The following SETD1A variants were observed in gnomAD, a reference collection of about 807,000 sequenced individuals.
The protein encoded by SETD1A is SET domain containing 1A, histone lysine methyltransferase.
A neutral mutation model predicts 149.9 loss-of-function variants in SETD1A; 29 were observed. The observed-to-expected ratio is 0.19, with a 90% CI of 0.14 to 0.26. The LOEUF (loss-of-function observed/expected upper bound fraction) is 0.26. Among genes scored for constraint, SETD1A ranks in the 10% least tolerant of loss-of-function variants. The pLI, the probability that SETD1A is intolerant of heterozygous loss-of-function variation, is 1.00. For missense variants in SETD1A, 2,109 were observed against 2,353.1 expected (o/e 0.90, Z 2.15); for synonymous variants, 1,141 against 968.5 (o/e 1.18, Z -3.31).
chr16:30,979,946 G>A lies in SETD1A; in HGVS notation c.4160G>A (p.Gly1387Asp), dbSNP rs1323240213. ...SDSSSSSDGE[G>D]ALRRRSLRSH... is the part of the protein sequence containing the mutation. ...AGCAGCAGCAGCAGCGATGGGGAGG[G>A]CGCCCTCCGGAGGCGCAGCCTCCGC... The change falls in exon 14 of 19, where the codon GGC becomes GAC. Residue 1387 changes from glycine to aspartate, a missense_variant. Gly to Asp is a moderately conservative substitution (Grantham distance 94, BLOSUM62 -1). Around this residue, in one of 8 missense-constraint regions of SETD1A, gnomAD observed 832 missense variants for 815.6 expected, o/e 1.02. Coordinates refer to ENST00000262519, the MANE Select transcript of SETD1A (RefSeq NM_014712.3). The A allele has an allele frequency of 3.9e-6, 6 of 1,533,186 alleles. No homozygotes were observed. Among genetic ancestry groups the A allele is most frequent in the Non-Finnish European group, 5.2e-6 (6 of 1,144,380 alleles). The allele number at this position is 1,533,186 out of a possible 1,614,324, so 95.0% of individuals were successfully genotyped here.
In SETD1A at chr16:30,981,138, T is replaced by C. The variant is rs768623923; in HGVS notation, c.4770T>C (p.Ala1590=). The C allele has an allele frequency of 5.6e-6, 9 of 1,614,208 alleles. No individual in the cohort carries two copies. The South Asian group carries it at 9.9e-5, about 18-fold the overall frequency. Residue 1590 remains alanine, a synonymous_variant, in exon 17 of 19, where the codon GCT becomes GCC. Coordinates refer to ENST00000262519, the MANE Select transcript of SETD1A (RefSeq NM_014712.3). The part of the protein sequence containing the change: ...WGLFAMEPIA[A]DEMVIEYVGQ... Reference sequence around the variant, plus strand: ...TGTTTGCCATGGAACCCATTGCTGCTGACGAGATGGTCATCGAATACGTGG... The same window carrying C: ...TGTTTGCCATGGAACCCATTGCTGCCGACGAGATGGTCATCGAATACGTGG...
intron 12 of SETD1A, among the ~76,000 whole-genome samples, chr16:30,969,913 T>C (rs543987161): frequency 6.6e-6 from 1 of 152,326 alleles, no homozygotes; most frequent in East Asian, 1.9e-4. Flanking sequence ...TGCTGAGACA[T>C]AGCTGTCCAA....
rs577652153 is a variant in SETD1A at position 30,980,970 on chromosome 16, A to G, written c.4693-91A>G. 2 of 1,585,574 alleles carry G rather than the reference A, an allele frequency of 1.3e-6. No individual in the cohort carries two copies. Among genetic ancestry groups the G allele is most frequent in the South Asian group, 2.3e-5 (2 of 87,402 alleles). On this transcript the variant is annotated intron_variant, in intron 16 of 18. Transcript: ENST00000262519. The surrounding 1 kb of genome is among the most constrained non-coding windows in gnomAD (Gnocchi z 7.7). The stretch of plus-strand genomic sequence containing the variant: ...GGGTGGAGTTGGGGGGTAAGCAGCC[A>G]GAACACCCTCTGCCCAGGAAGTCTG...
At position 30,959,203 on chromosome 16, in the gene SETD1A, C is replaced by T; in HGVS notation, c.246+17C>T. The T allele has an allele frequency of 6.6e-7, 1 of 1,516,538 alleles. No individual in the cohort carries two copies. 93.9% of individuals were successfully genotyped at this position (1,516,538 alleles called of 1,614,324 possible). A position where few individuals can be genotyped will look rare whatever the true frequency, so the allele number is the denominator to read the frequency against. The stretch of plus-strand genomic sequence containing the variant: ...AAGTTTAAGGTAAGTGTCTGCTGGG[C>T]TCCTGGTGTGGTAGTCCTAAGAGGG... On this transcript the variant is annotated intron_variant, in intron 3 of 18. Transcript: ENST00000262519.
chr16:30,969,313 C>A lies in SETD1A; in HGVS notation c.2779C>A (p.Gln927Lys), dbSNP rs1159650236. The A allele has an allele frequency of 6.2e-7, 1 of 1,613,758 alleles. No individual in the cohort carries two copies. Among genetic ancestry groups the A allele is most frequent in the Non-Finnish European group, 8.5e-7 (1 of 1,179,852 alleles). ...CCACTCTGCTGGCCTAGACCCTGAA[C>A]AAGAGAAGGAGGCTGGAGAGCCAGG... ...PAEEDEDDPE[Q>K]EKEAGEPGRP... The change falls in exon 11 of 19, where the codon CAA becomes AAA. Residue 927 changes from glutamine to lysine, a missense_variant. By Grantham distance (53) the Gln-to-Lys change is moderately conservative. This residue lies in a region of SETD1A where 832 missense variants were observed against 815.6 expected (regional missense o/e 1.02). Coordinates refer to ENST00000262519, the MANE Select transcript of SETD1A (RefSeq NM_014712.3).
rs768398755 is a variant in SETD1A, at chr16:30,979,573, C to T, written c.3787C>T (p.Pro1263Ser). The change falls in exon 14 of 19, where the codon CCT (proline) becomes TCT (serine). Residue 1263 changes from proline to serine, a missense_variant. Around this residue, in one of 8 missense-constraint regions of SETD1A, gnomAD observed 832 missense variants for 815.6 expected, o/e 1.02. Transcript: ENST00000262519. The part of the protein sequence containing the change: ...LAVLADLALT[P>S]ARRGLPALPA... ...GGTCCTGGCCGACCTGGCCCTGACC[C>T]CTGCCCGGCGCGGGCTGCCTGCCCT... The T allele has an allele frequency of 1.2e-5, 19 of 1,610,250 alleles. No individual in the cohort carries two copies. In the Admixed American group the frequency reaches 2.2e-4, roughly 18 times the overall value.
At chr16:30,958,015 C>G (rs2055987318) in intron 1 of SETD1A, 51 bp downstream of exon 1, 1 of 151,294 alleles carries the variant, frequency 6.6e-6, no homozygotes, top group South Asian at 1.9e-4. Flanking sequence ...TGGGGGGGCG[C>G]CGCCGCCGCC....
At chr16:30,982,744 A>G (rs1224449793) in intron 17 of SETD1A, among the ~76,000 whole-genome samples, 1 of 151,950 alleles carries the variant, frequency 6.6e-6, no homozygotes, top group East Asian at 1.9e-4. Context: ...ATCCAGGCAA[A>G]GGCAAGGGTG....
chr16:30,961,202 T>C lies in SETD1A; in HGVS notation c.247-65T>C. On this transcript the variant is annotated intron_variant, in intron 3 of 18. Coordinates refer to ENST00000262519, the MANE Select transcript of SETD1A (RefSeq NM_014712.3). This position sits in a 1 kb window ranked among gnomAD's most constrained non-coding sequence, Gnocchi z 4.0. The stretch of plus-strand genomic sequence containing the variant: ...TGACTTCATGGAGCTTGCTAAAGTT[T>C]CCCGAAGGACAAAGGAACAGTGGTC... The C allele has an allele frequency of 6.5e-7, 1 of 1,542,468 alleles. No individual in the cohort carries two copies. Among genetic ancestry groups the C allele is most frequent in the East Asian group, 2.3e-5 (1 of 44,372 alleles).
chr16:30,963,260 G>A (rs572525407), intron 4 of SETD1A, among the ~76,000 whole-genome samples, 173 bp from the exon 5 acceptor site: 10 of 152,298 alleles, frequency 6.6e-5, no homozygotes, highest in African/African-American at 2.4e-4. Context: ...TAGTTTAGAG[G>A]TAGAGATAAG....
chr16:30,980,756 G>T lies in SETD1A; in HGVS notation c.4599G>T (p.Leu1533=). 2 of 1,612,874 alleles carry T rather than the reference G, an allele frequency of 1.2e-6. No homozygotes were observed. Residue 1533 remains leucine (L), a synonymous_variant, in exon 16 of 19, where the codon CTG becomes CTT. Coordinates refer to ENST00000262519, the MANE Select transcript of SETD1A (RefSeq NM_014712.3). This position sits in a 1 kb window ranked among gnomAD's most constrained non-coding sequence, Gnocchi z 7.7. The stretch of plus-strand genomic sequence containing the variant: ...TCTCACAGGGGACGAACCGCGTGCT[G>T]TCCGAGCGCCGGTCCGAGCAGCGGC... ...GVDTQGTNRV[L]SERRSEQRRL... is the part of the protein sequence containing the mutation.
chr16:30,968,637 C>T (rs976870036), intron 10 of SETD1A, among the ~76,000 whole-genome samples: 3 of 151,728 alleles, frequency 2.0e-5, no homozygotes, highest in Admixed American at 6.6e-5. Flanking sequence ...CCCGTCTCTA[C>T]TAACAATAGA....
In SETD1A at chr16:30,966,001, C is replaced by G. The variant is rs745654019; in HGVS notation, c.2120C>G (p.Pro707Arg). 6.4e-6 allele frequency: 10 copies of G among 1,574,420 alleles called. No individual in the cohort carries two copies. Among genetic ancestry groups the G allele is most frequent in the East Asian group, 2.2e-5 (1 of 44,466 alleles). ...KGLIAASAGPPGGAFGEAFLP... is the reference protein window; with the variant it reads ...KGLIAASAGPRGGAFGEAFLP... ...TTGATTGCCGCCTCAGCTGGCCCCC[C>G]CGGTGGGGCCTTTGGGGAGGCCTTC... The change falls in exon 8 of 19, where the codon CCC (proline) becomes CGC (arginine). Residue 707 changes from proline (P) to arginine (R), a missense_variant. Coordinates refer to ENST00000262519, the MANE Select transcript of SETD1A (RefSeq NM_014712.3).
chr16:30,966,950 C>T lies in SETD1A; in HGVS notation c.2572C>T (p.Pro858Ser), dbSNP rs1343462635. Residue 858 changes from proline to serine, a missense_variant, in exon 9 of 19, where the codon CCT becomes TCT. Around this residue, in one of 8 missense-constraint regions of SETD1A, gnomAD observed 832 missense variants for 815.6 expected, o/e 1.02. Transcript: ENST00000262519. ...TAAAGAGAAGACGAAGCTGAAGGAGCCTGGCCTGCTGTCCCTCGTGGACTG... is the reference window on the plus strand; with the variant it reads ...TAAAGAGAAGACGAAGCTGAAGGAGTCTGGCCTGCTGTCCCTCGTGGACTG... ...EDKEKTKLKEPGLLSLVDWAK... is the reference protein window; with the variant it reads ...EDKEKTKLKESGLLSLVDWAK... The T allele has an allele frequency of 1.3e-6, 2 of 1,582,494 alleles. No homozygotes were observed. The highest frequency in any genetic ancestry group is 1.9e-5 in the Admixed American group (1 of 53,844).
chr16:30,979,596 C>G lies in SETD1A; in HGVS notation c.3810C>G (p.Ala1270=). 6.2e-7 allele frequency: 1 copy of G among 1,611,172 alleles called. No individual in the cohort carries two copies. Among genetic ancestry groups the G allele is most frequent in the Non-Finnish European group, 8.5e-7 (1 of 1,179,730 alleles). ...ALTPARRGLP[A]LPAVEDSEAT... Reference sequence around the variant, plus strand: ...CCCCTGCCCGGCGCGGGCTGCCTGCCCTGCCTGCTGTTGAAGACTCAGAGG... The same window carrying G: ...CCCCTGCCCGGCGCGGGCTGCCTGCGCTGCCTGCTGTTGAAGACTCAGAGG... The change falls in exon 14 of 19, where the codon GCC becomes GCG. Residue 1270 remains alanine (A), a synonymous_variant. Coordinates refer to ENST00000262519, the MANE Select transcript of SETD1A (RefSeq NM_014712.3).
At position 30,979,257 on chromosome 16, in the gene SETD1A, C is replaced by G. The variant is rs769537298; in HGVS notation, c.3471C>G (p.Leu1157=). 6.2e-7 allele frequency: 1 copy of G among 1,610,980 alleles called. No individual in the cohort carries two copies. Among genetic ancestry groups the G allele is most frequent in the South Asian group, 1.1e-5 (1 of 90,926 alleles). The change falls in exon 14 of 19, where the codon CTC becomes CTG. Residue 1157 remains leucine, a synonymous_variant. Transcript: ENST00000262519. ...PDERPSSPIP[L]LPPPKKRRKT... is the part of the protein sequence containing the mutation. ...AGCGTCCCTCTTCTCCCATCCCCCT[C>G]CTGCCCCCACCCAAGAAACGCCGGA...
chr16:30,979,838 C>T lies in SETD1A; in HGVS notation c.4052C>T (p.Pro1351Leu), dbSNP rs775503042. Residue 1351 changes from proline to leucine, a missense_variant, in exon 14 of 19, where the codon CCG becomes CTG. This residue lies in a region of SETD1A where 832 missense variants were observed against 815.6 expected (regional missense o/e 1.02). Coordinates refer to ENST00000262519, the MANE Select transcript of SETD1A (RefSeq NM_014712.3). The part of the protein sequence containing the change: ...VVVAEAEEPK[P>L]QQLQQQREEG... ...GTGGCTGAGGCGGAGGAGCCCAAGC[C>T]GCAGCAACTGCAGCAGCAGCGGGAG... 7.5e-5 allele frequency: 117 copies of T among 1,550,366 alleles called. 3 individuals are homozygous for T. The South Asian group carries it at 1.0e-3, about 14-fold the overall frequency.
At chr16:30,967,813 T>G (rs1424589299) in intron 10 of SETD1A, among the ~76,000 whole-genome samples, 1 of 152,208 alleles carries the variant, frequency 6.6e-6, no homozygotes, top group African/African-American at 2.4e-5. Flanking sequence ...TTCTGTATTT[T>G]GGGTTTTTCC....
rs1458165709 is a variant in SETD1A at position 30,964,821 on chromosome 16, G to T, written c.1079G>T (p.Arg360Leu). Residue 360 changes from arginine (R) to leucine (L), a missense_variant, in exon 7 of 19, where the codon CGT (arginine) becomes CTT (leucine). Transcript: ENST00000262519. Reference protein sequence around the residue: ...SSSSSSSSQFRSSDANYPAYY... With the variant: ...SSSSSSSSQFLSSDANYPAYY... ...TCTTCCTCCTCGTCCTCTCAGTTTC[G>T]TAGTTCTGATGCAAACTACCCAGCG... 2 of 1,614,050 alleles carry T rather than the reference G, an allele frequency of 1.2e-6. No individual in the cohort carries two copies. Among genetic ancestry groups the T allele is most frequent in the Non-Finnish European group, 1.7e-6 (2 of 1,180,004 alleles).
Sources: gnomAD v4.1 joint callset for allele counts (sites outside exome capture counted in the v4.1 genomes callset) on GRCh38, gnomAD v4.1.1 for gene constraint, gnomAD v4.1.1 regional missense constraint, Gnocchi (gnomAD v3.1) non-coding constraint, MANE v1.5 for transcripts, NCBI Gene and HGNC (gene_info 2026-07-23, HGNC 2026-07-21) for gene names.